Variants in CUX1 observed in about 807,000 individuals in gnomAD.
CUX1 encodes the protein protein CASP.
CUX1 carries 31 observed loss-of-function variants against 158.8 expected under a neutral mutation model. That is an observed-to-expected ratio of 0.20 (90% CI 0.15 to 0.26). CUX1 has a LOEUF of 0.26. Among genes scored for constraint, CUX1 ranks in the 10% least tolerant of loss-of-function variants. The pLI is 1.00. For synonymous variants in CUX1, 879 were observed against 862.1 expected, an observed-to-expected ratio of 1.02 and a Z score of -0.34; for missense variants, 1,589 against 2,014.6, an observed-to-expected ratio of 0.79 and a Z score of 4.04.
intron 20 of CUX1, among the ~76,000 whole-genome samples, chr7:102,223,335 T>C (rs1798023326): frequency 6.6e-6 from 1 of 152,176 alleles, no homozygotes; most frequent in Non-Finnish European, 1.5e-5. Context: ...TTTGAGTCTG[T>C]CGCCAGCGTC....
intron 14 of CUX1, among the ~76,000 whole-genome samples, chr7:102,263,858 A>G (rs1790603809): frequency 6.6e-6 from 1 of 150,734 alleles, no homozygotes; most frequent in South Asian, 2.1e-4. Flanking sequence ...ATGCCCGGCT[A>G]ATTTTTGTAT....
rs192782654 is a variant in CUX1, at chr7:102,098,681, G to A, written c.406+1180G>A. Among the ~76,000 whole-genome samples the A allele has an allele frequency of 5.3e-3, 790 of 149,814 alleles. 8 individuals carry two copies. Among genetic ancestry groups the A allele is most frequent in the African/African-American group, 0.018 (755 of 40,812 alleles). On this transcript the variant is annotated intron_variant, in intron 5 of 23. Transcript: ENST00000292535. ...TTTTGAGATGGAGTCTCGCTCTGTC[G>A]CCCAGGCTGGAGTGCAGTGCACGAT...
At chr7:101,856,403 T>A (rs1796825474) in intron 1 of CUX1, among the ~76,000 whole-genome samples, 1 of 152,154 alleles carries the variant, frequency 6.6e-6, no homozygotes, top group Non-Finnish European at 1.5e-5. Flanking sequence ...TTATCCAAGT[T>A]AGTGTTTTCC....
upstream of CUX1, chr7:101,817,134 G>GC (rs1260184385): frequency 1.0e-6 from 1 of 984,366 alleles, no homozygotes; most frequent in East Asian, 1.2e-4. This position sits in a 1 kb window ranked among gnomAD's most constrained non-coding sequence, Gnocchi z 4.1. Context: ...CCGGGTGCGG[G>GC]CGCGGGAGGA....
intron 12 of CUX1, 147 bp from the exon 13 acceptor site, chr7:102,193,695 C>T: frequency 1.4e-6 from 1 of 725,692 alleles, no homozygotes. Flanking sequence ...ATCCCAGCTA[C>T]TCGGGAGGCT....
At chr7:102,124,922 C>T (rs1554494664) in intron 8 of CUX1, among the ~76,000 whole-genome samples, 3 of 151,884 alleles carry the variant, frequency 2.0e-5, no homozygotes, top group African/African-American at 4.8e-5. Flanking sequence ...TCTGGGAGTA[C>T]AGGCACAGGG....
chr7:101,982,094 T>C (rs1813520807), intron 2 of CUX1, among the ~76,000 whole-genome samples: 1 of 152,260 alleles, frequency 6.6e-6, no homozygotes, highest in Admixed American at 6.5e-5. Flanking sequence ...TTTTCTTGCC[T>C]GTTGATTGCT....
intron 6 of CUX1, among the ~76,000 whole-genome samples, chr7:102,106,766 C>T (rs780773907): frequency 4.8e-4 from 73 of 152,266 alleles, no homozygotes; most frequent in Non-Finnish European, 8.8e-4. Context: ...AGAGCTGTAA[C>T]GCTGCCACCT....
intron 3 of CUX1, among the ~76,000 whole-genome samples, chr7:102,062,161 C>G (rs1824952144): frequency 6.6e-6 from 1 of 152,156 alleles, no homozygotes; most frequent in African/African-American, 2.4e-5. Flanking sequence ...ATACCATTGG[C>G]CAAAGCATTT....
intron 1 of CUX1, among the ~76,000 whole-genome samples, chr7:101,821,671 C>CTTTTTTTT (rs58793343): frequency 0.026 from 1,317 of 51,406 alleles, 66 homozygotes; most frequent in Middle Eastern, 0.11. Context: ...TTTCTTTTTT[C>CTTTTTTTT]TTTTTTTTTT....
intron 1 of CUX1, among the ~76,000 whole-genome samples, chr7:101,877,660 C>A (rs1383435156): frequency 1.3e-5 from 2 of 152,112 alleles, no homozygotes; most frequent in Non-Finnish European, 2.9e-5. Context: ...GCACTCCAGC[C>A]TGGGTGACAG....
intron 8 of CUX1, among the ~76,000 whole-genome samples, chr7:102,137,679 G>A (rs1469546950): frequency 4.6e-5 from 7 of 151,996 alleles, no homozygotes; most frequent in Admixed American, 1.3e-4. Flanking sequence ...CTTTTGCACC[G>A]ACCTAATAGT....
intron 2 of CUX1, among the ~76,000 whole-genome samples, chr7:101,983,023 A>G (rs1227888360): frequency 3.7e-5 from 4 of 107,606 alleles, no homozygotes. Context: ...GCCTAAGGAA[A>G]GCACTAGTCA....
rs782734425 is a variant in CUX1 at position 102,274,131 on chromosome 7, C to A, written c.1384-113C>A. On this transcript the variant is annotated intron_variant, in intron 15 of 22. Coordinates refer to the CUX1 transcript ENST00000292538. Reference sequence around the variant, plus strand: ...TGCAGCCAGCCTGCACCCCGGATGGCCCCACCCACTCCTTGCCACACCCAC... The same window carrying A: ...TGCAGCCAGCCTGCACCCCGGATGGACCCACCCACTCCTTGCCACACCCAC... The A allele has an allele frequency of 1.6e-5, 16 of 1,022,218 alleles. No individual in the cohort carries two copies. In the African/African-American group the frequency reaches 2.0e-4, roughly 13 times the overall value. The allele number at this position is 1,022,218 out of a possible 1,614,324, so 63.3% of individuals were successfully genotyped here.
chr7:101,960,142 A>G (rs1810298211), intron 2 of CUX1: 1 of 152,138 alleles, frequency 6.6e-6, no homozygotes, highest in Non-Finnish European at 1.5e-5. Flanking sequence ...GTTTCTTTCA[A>G]TTCCACCATT....
chr7:101,896,857 G>A (rs901144610), intron 1 of CUX1, among the ~76,000 whole-genome samples: 4 of 152,314 alleles, frequency 2.6e-5, no homozygotes, highest in Non-Finnish European at 4.4e-5. Flanking sequence ...GAAAGTGCAC[G>A]TTTGTACCAG....
chr7:102,122,784 C>T (rs937369572), intron 8 of CUX1, among the ~76,000 whole-genome samples: 33 of 152,220 alleles, frequency 2.2e-4, no homozygotes, highest in Non-Finnish European at 1.2e-4. Flanking sequence ...TACTCCTCTC[C>T]TTCATTGATG....
intron 9 of CUX1, among the ~76,000 whole-genome samples, chr7:102,168,923 C>CTTTTTT (rs1191271149): frequency 4.4e-5 from 2 of 45,054 alleles, no homozygotes; most frequent in African/African-American, 3.2e-4. Context: ...ATTTTCTTTT[C>CTTTTTT]TTTTCTTTTA....
At chr7:101,958,148 G>A (rs556554418) in intron 2 of CUX1, among the ~76,000 whole-genome samples, 2 of 152,306 alleles carry the variant, frequency 1.3e-5, no homozygotes, top group South Asian at 4.1e-4. Context: ...TGTGAAGTGT[G>A]CAGAGTGCTA....
Sources: allele counts gnomAD v4.1 joint callset (sites outside exome capture counted in the v4.1 genomes callset), GRCh38; gene constraint gnomAD v4.1.1; non-coding constraint Gnocchi (gnomAD v3.1); transcripts MANE v1.5; gene names NCBI Gene and HGNC (gene_info 2026-07-23, HGNC 2026-07-21).